Variants in RNF220 observed in about 807,000 individuals in gnomAD.
RNF220 encodes ring finger protein 220, also known as E3 ubiquitin-protein ligase RNF220.
Under a neutral mutation model 67.1 loss-of-function variants are expected in RNF220, and 7 were observed. The observed-to-expected ratio is 0.10, with a 90% CI of 0.06 to 0.20. The LOEUF is 0.20. Among genes scored for constraint, RNF220 ranks in the 10% least tolerant of loss-of-function variants. RNF220 has a pLI of 1.00. For synonymous variants in RNF220, 270 were observed against 283.2 expected (o/e 0.95, Z 0.47); for missense variants, 565 against 740.3 (o/e 0.76, Z 2.75).
At position 44,625,000 on chromosome 1, in the gene RNF220, T is replaced by C. The variant is rs923703007; in HGVS notation, c.805-1297T>C. On this transcript the variant is annotated intron_variant, in intron 4 of 14. Transcript: ENST00000361799. This position sits in a 1 kb window ranked among gnomAD's most constrained non-coding sequence, Gnocchi z 4.2. ...TTGCCCCAGGTGTAATGCCGAGGCCTCTCAGGGCTTCTAACCTAGAGAGAA... is the reference window on the plus strand; with the variant it reads ...TTGCCCCAGGTGTAATGCCGAGGCCCCTCAGGGCTTCTAACCTAGAGAGAA... 6.7e-6 allele frequency among the ~76,000 whole-genome samples: 1 copy of C among 150,202 alleles called. No individual in the cohort carries two copies. The highest frequency in any genetic ancestry group is 1.5e-5 in the Non-Finnish European group (1 of 67,816).
rs971937443 is a variant in RNF220, at chr1:44,585,621, G to A, written c.626-28544G>A. 9.2e-5 allele frequency among the ~76,000 whole-genome samples: 14 copies of A among 152,308 alleles called. No homozygotes were observed. The South Asian group carries it at 2.9e-3, about 32-fold the overall frequency. On this transcript the variant is annotated intron_variant, in intron 2 of 14. Coordinates refer to ENST00000361799, the MANE Select transcript of RNF220 (RefSeq NM_018150.4). Reference sequence around the variant, plus strand: ...TCAGCAGATATTTAGTGGGATCCTAGGGGCTGGTGACACAAGAGTGAGCAA... The same window carrying A: ...TCAGCAGATATTTAGTGGGATCCTAAGGGCTGGTGACACAAGAGTGAGCAA...
chr1:44,518,001 G>A (rs1659589664), intron 2 of RNF220, among the ~76,000 whole-genome samples: 1 of 152,180 alleles, frequency 6.6e-6, no homozygotes, highest in Admixed American at 6.5e-5. Context: ...CAGCTACTTG[G>A]GAGGCTGAGG....
At chr1:44,466,595 C>T (rs1654292166) in intron 2 of RNF220, among the ~76,000 whole-genome samples, 1 of 152,214 alleles carries the variant, frequency 6.6e-6, no homozygotes, top group South Asian at 2.1e-4. Flanking sequence ...AAATTACTCC[C>T]TGATCCATGG....
intron 2 of RNF220, among the ~76,000 whole-genome samples, chr1:44,506,112 C>T (rs931709642): frequency 6.6e-6 from 1 of 152,200 alleles, no homozygotes; most frequent in Non-Finnish European, 1.5e-5. Flanking sequence ...TTCATGGACC[C>T]GGTGCCCAAG....
intron 2 of RNF220, among the ~76,000 whole-genome samples, chr1:44,522,026 C>T (rs1659980255): frequency 6.6e-6 from 1 of 152,174 alleles, no homozygotes; most frequent in African/African-American, 2.4e-5. Flanking sequence ...ATGCATGAAA[C>T]AACAAAGCAA....
chr1:44,561,064 C>T (rs1372425508), intron 2 of RNF220, among the ~76,000 whole-genome samples: 1 of 152,218 alleles, frequency 6.6e-6, no homozygotes, highest in African/African-American at 2.4e-5. Flanking sequence ...ATGAATCAGA[C>T]ATGCATCCTG....
intron 2 of RNF220, among the ~76,000 whole-genome samples, chr1:44,553,433 C>T (rs1353127844): frequency 6.6e-6 from 1 of 152,068 alleles, no homozygotes; most frequent in Non-Finnish European, 1.5e-5. Context: ...TCCAGCTACC[C>T]AGTCCTGACA....
At chr1:44,574,884 GA>G (rs1664700127) in intron 2 of RNF220, among the ~76,000 whole-genome samples, 1 of 151,116 alleles carries the variant, frequency 6.6e-6, no homozygotes, top group East Asian at 1.9e-4. Context: ...ATTTTTTATT[GA>G]CTCATAATAT....
intron 2 of RNF220, among the ~76,000 whole-genome samples, chr1:44,517,434 C>T (rs1029522907): frequency 6.6e-6 from 1 of 152,198 alleles, no homozygotes; most frequent in Non-Finnish European, 1.5e-5. Context: ...TCGTCCCAGT[C>T]TATAAAAGAT....
chr1:44,626,520 G>T, intron 5 of RNF220, 122 bp downstream of exon 5: 1 of 746,392 alleles, frequency 1.3e-6, no homozygotes, highest in Admixed American at 2.2e-5. Context: ...AACTGGGTTT[G>T]GTTCCCCCTG....
intron 2 of RNF220, among the ~76,000 whole-genome samples, chr1:44,450,205 C>T (rs951690661): frequency 5.3e-5 from 8 of 151,470 alleles, no homozygotes; most frequent in African/African-American, 1.2e-4. Flanking sequence ...AGCGAAACTC[C>T]GTGTCAAAAA....
In RNF220 at chr1:44,412,651, A is replaced by T; in HGVS notation, c.554A>T (p.Lys185Met). 6.2e-7 allele frequency: 1 copy of T among 1,614,186 alleles called. No homozygotes were observed. Among genetic ancestry groups the T allele is most frequent in the Non-Finnish European group, 8.5e-7 (1 of 1,180,030 alleles). ...CTAAAGGTTGATGACACTGGGAAGA[A>T]GATTTTTGCTGTCTCTGGCCTCATT... ...GSLKVDDTGK[K>M]IFAVSGLISD... Residue 185 changes from lysine (K) to methionine (M), a missense_variant, in exon 2 of 15, where the codon AAG becomes ATG. By Grantham distance (95) the Lys-to-Met change is moderately conservative. Coordinates refer to ENST00000361799, the MANE Select transcript of RNF220 (RefSeq NM_018150.4). This position sits in a 1 kb window ranked among gnomAD's most constrained non-coding sequence, Gnocchi z 5.3.
At position 44,649,393 on chromosome 1, in the gene RNF220, G is replaced by C. The variant is rs1644731196; in HGVS notation, c.1446-268G>C. 1.9e-6 allele frequency: 1 copy of C among 513,406 alleles called. No homozygotes were observed. Among genetic ancestry groups the C allele is most frequent in the African/African-American group, 1.9e-5 (1 of 51,974 alleles). 31.8% of individuals were successfully genotyped at this position (513,406 alleles called of 1,614,324 possible). On this transcript the variant is annotated intron_variant, in intron 12 of 14. Coordinates refer to ENST00000361799, the MANE Select transcript of RNF220 (RefSeq NM_018150.4). This position sits in a 1 kb window ranked among gnomAD's most constrained non-coding sequence, Gnocchi z 5.9. ...ACTAGGAGAGATGACAGATTTGGGTGGTTGGGAAGACTGCGAAGGAGTGGT... is the reference window on the plus strand; with the variant it reads ...ACTAGGAGAGATGACAGATTTGGGTCGTTGGGAAGACTGCGAAGGAGTGGT...
chr1:44,566,723 C>T (rs997724344), intron 2 of RNF220, among the ~76,000 whole-genome samples: 7 of 143,234 alleles, frequency 4.9e-5, no homozygotes, highest in South Asian at 2.2e-4. Context: ...ATTTGGAGGG[C>T]GGCTGCTAAT....
chr1:44,485,749 T>A (rs1656228874), intron 2 of RNF220, among the ~76,000 whole-genome samples: 1 of 152,200 alleles, frequency 6.6e-6, no homozygotes, highest in South Asian at 2.1e-4. Flanking sequence ...TTGCTTGTAA[T>A]GTGAGCGACA....
chr1:44,502,169 A>T (rs941238107), intron 2 of RNF220, among the ~76,000 whole-genome samples: 2 of 149,688 alleles, frequency 1.3e-5, no homozygotes, highest in Admixed American at 6.7e-5. Context: ...ACACACACAC[A>T]CACACACACA....
intron 7 of RNF220, chr1:44,635,811 C>T: frequency 2.3e-6 from 3 of 1,293,888 alleles, no homozygotes; most frequent in South Asian, 1.5e-5. Context: ...TCTCCTTTTG[C>T]TTTCACTCTC....
rs572096705 is a variant in RNF220, at chr1:44,521,679, A to G, written c.626-92486A>G. ...AAGAGGTCACATCTTCTGTGGCCAC[A>G]TGGATCGCTCGTACAGAACTTACCT... On this transcript the variant is annotated intron_variant, in intron 2 of 14. Transcript: ENST00000361799. Among the ~76,000 whole-genome samples the G allele has an allele frequency of 2.6e-5, 4 of 152,288 alleles. No homozygotes were observed. The South Asian group carries it at 8.3e-4, about 32-fold the overall frequency.
intron 2 of RNF220, among the ~76,000 whole-genome samples, chr1:44,613,540 A>G (rs1015500926): frequency 2.6e-5 from 4 of 152,208 alleles, no homozygotes; most frequent in Non-Finnish European, 4.4e-5. Context: ...GGATCACTTG[A>G]GGCCAGGATT....
Sources: allele counts gnomAD v4.1 joint callset (sites outside exome capture counted in the v4.1 genomes callset), GRCh38; gene constraint gnomAD v4.1.1; non-coding constraint Gnocchi (gnomAD v3.1); transcripts MANE v1.5; gene names NCBI Gene and HGNC (gene_info 2026-07-23, HGNC 2026-07-21).